The following DLC1 variants were observed in gnomAD, a reference collection of about 807,000 sequenced individuals.
DLC1 encodes rho GTPase-activating protein 7.
In DLC1, 54 loss-of-function variants were observed where a neutral mutation model predicts 140.3. The observed-to-expected ratio is 0.38, with a 90% CI of 0.31 to 0.48. The LOEUF (loss-of-function observed/expected upper bound fraction) is 0.48, where lower values mean the gene tolerates loss of function less well. Among genes scored for constraint, DLC1 ranks in the 20% least tolerant of loss-of-function variants. The pLI is 0.96. For missense variants in DLC1, 2,536 were observed against 1,907.0 expected (o/e 1.33, Z -6.14); for synonymous variants, 986 against 728.1 (o/e 1.35, Z -5.70).
At chr8:13,133,328 G>T in intron 5 of DLC1, 1 of 1,176,776 alleles carries the variant, frequency 8.5e-7, no homozygotes, top group East Asian at 5.9e-5. Flanking sequence ...CTCCCGCTGG[G>T]CCCACCCCCC....
intron 4 of DLC1, among the ~76,000 whole-genome samples, chr8:13,385,289 A>T (rs1836467668): frequency 6.6e-6 from 1 of 152,206 alleles, no homozygotes. Context: ...AACACAGATA[A>T]AGCAATCTAC....
At chr8:13,253,515 C>T (rs1468328910) in intron 5 of DLC1, among the ~76,000 whole-genome samples, 1 of 151,952 alleles carries the variant, frequency 6.6e-6, no homozygotes, top group African/African-American at 2.4e-5. Flanking sequence ...ACACAAAATT[C>T]AGATTAAAGG....
At position 13,269,669 on chromosome 8, in the gene DLC1, A is replaced by C. The variant is rs190475952; in HGVS notation, c.1348+35600T>G. On this transcript the variant is annotated intron_variant, in intron 5 of 17. Transcript: ENST00000276297. ...CATTGAGCTATGATGATACTACTGC[A>C]CTCCAACCTGGGAAACAAAGCAAAA... Among the ~76,000 whole-genome samples the C allele has an allele frequency of 1.4e-5, 2 of 141,318 alleles. 1 individual carries two copies. Among genetic ancestry groups the C allele is most frequent in the Non-Finnish European group, 3.0e-5 (2 of 66,504 alleles). 92.7% of individuals were successfully genotyped at this position (141,318 alleles called of 152,430 possible). A position where few individuals can be genotyped will look rare whatever the true frequency, so the allele number is the denominator to read the frequency against.
chr8:13,233,037 G>C (rs1373241022), intron 5 of DLC1, among the ~76,000 whole-genome samples: 1 of 152,142 alleles, frequency 6.6e-6, no homozygotes, highest in Non-Finnish European at 1.5e-5. Flanking sequence ...CCTCATGCCT[G>C]TAATCCCAGG....
intron 5 of DLC1, among the ~76,000 whole-genome samples, chr8:13,141,256 CA>C (rs34321250): frequency 3.0e-3 from 192 of 63,740 alleles, no homozygotes; most frequent in African/African-American, 0.015. Context: ...GAGTCTGTCT[CA>C]AAAAAAAAAA....
chr8:13,175,137 C>T (rs1034155569), intron 5 of DLC1, among the ~76,000 whole-genome samples: 1 of 152,058 alleles, frequency 6.6e-6, no homozygotes, highest in African/African-American at 2.4e-5. Flanking sequence ...CAATTGCTTG[C>T]TTTTGTCTAC....
In DLC1 at chr8:13,097,243, T is replaced by C. The variant is rs778405035; in HGVS notation, c.3167+1156A>G. Among the ~76,000 whole-genome samples, 47 of 104,746 alleles carry C rather than the reference T, an allele frequency of 4.5e-4. No individual in the cohort carries two copies. The East Asian group carries it at 0.016, about 35-fold the overall frequency. 68.7% of individuals were successfully genotyped at this position (104,746 alleles called of 152,430 possible). A position where few individuals can be genotyped will look rare whatever the true frequency, so the allele number is the denominator to read the frequency against. ...CAGGTGGATGCTACAAATATTCACATCCAAATTTATTATTATTATTATTAT... is the reference window on the plus strand; with the variant it reads ...CAGGTGGATGCTACAAATATTCACACCCAAATTTATTATTATTATTATTAT... On this transcript the variant is annotated intron_variant, in intron 10 of 17. Coordinates refer to ENST00000276297, the MANE Select transcript of DLC1 (RefSeq NM_182643.3).
intron 2 of DLC1, among the ~76,000 whole-genome samples, chr8:13,490,320 A>C (rs982794899): frequency 6.6e-6 from 1 of 152,220 alleles, no homozygotes; most frequent in African/African-American, 2.4e-5. Flanking sequence ...GAACTAAGAA[A>C]AAAGTTTATT....
At chr8:13,462,929 A>G (rs1799739752) in intron 2 of DLC1, among the ~76,000 whole-genome samples, 1 of 152,170 alleles carries the variant, frequency 6.6e-6, no homozygotes, top group East Asian at 1.9e-4. Context: ...GTTGCTTATG[A>G]TGATGCATAG....
At chr8:13,479,111 C>T (rs1442175970) in intron 2 of DLC1, among the ~76,000 whole-genome samples, 1 of 152,196 alleles carries the variant, frequency 6.6e-6, no homozygotes, top group Non-Finnish European at 1.5e-5. Flanking sequence ...ATGCTTCCCT[C>T]CTGTAGAAAG....
intron 2 of DLC1, among the ~76,000 whole-genome samples, chr8:13,494,432 A>G (rs1357366654): frequency 6.6e-6 from 1 of 152,180 alleles, no homozygotes; most frequent in Non-Finnish European, 1.5e-5. Context: ...CTGCCTGTAC[A>G]CAGGGTGCGA....
intron 5 of DLC1, among the ~76,000 whole-genome samples, chr8:13,197,173 G>A (rs1827114481): frequency 6.6e-6 from 1 of 152,072 alleles, no homozygotes; most frequent in Admixed American, 6.5e-5. Context: ...ACATGTCATT[G>A]AATGATCTTC....
chr8:13,567,135 C>G (rs918024192), intron 1 of DLC1: 2 of 1,551,732 alleles, frequency 1.3e-6, no homozygotes, highest in Admixed American at 2.0e-5. Context: ...AGTCCTCGCC[C>G]CTGACCTCTG....
At chr8:13,182,624 T>C (rs905030402) in intron 5 of DLC1, among the ~76,000 whole-genome samples, 1 of 152,158 alleles carries the variant, frequency 6.6e-6, no homozygotes, top group Non-Finnish European at 1.5e-5. Context: ...AAAGATCAGA[T>C]GGTTGTAGAT....
At chr8:13,551,231 A>C (rs1055632307) in intron 1 of DLC1, among the ~76,000 whole-genome samples, 8 of 152,126 alleles carry the variant, frequency 5.3e-5, no homozygotes, top group African/African-American at 1.9e-4. Flanking sequence ...TAGTCGGCCA[A>C]AACAAAGAAT....
intron 5 of DLC1, among the ~76,000 whole-genome samples, chr8:13,202,871 A>C (rs900807100): frequency 6.6e-6 from 1 of 152,004 alleles, no homozygotes; most frequent in African/African-American, 2.4e-5. Context: ...ACAGGGTCTC[A>C]CTATGTTGCC....
intron 1 of DLC1, among the ~76,000 whole-genome samples, chr8:13,522,277 G>A (rs1014796899): frequency 2.6e-5 from 4 of 152,192 alleles, no homozygotes; most frequent in African/African-American, 9.6e-5. Flanking sequence ...TACAAACAAT[G>A]GAACGACTTT....
intron 1 of DLC1, among the ~76,000 whole-genome samples, chr8:13,551,903 T>C (rs1174307564): frequency 1.4e-5 from 2 of 147,054 alleles, no homozygotes; most frequent in Non-Finnish European, 3.0e-5. Context: ...TATACATATA[T>C]ATATATATAT....
intron 5 of DLC1, among the ~76,000 whole-genome samples, chr8:13,195,821 T>C (rs1025747963): frequency 6.6e-6 from 1 of 152,156 alleles, no homozygotes; most frequent in African/African-American, 2.4e-5. Context: ...ATAGCAGCAC[T>C]ATCCTTCTCT....
Sources: allele counts gnomAD v4.1 joint callset (sites outside exome capture counted in the v4.1 genomes callset), GRCh38; gene constraint gnomAD v4.1.1; transcripts MANE v1.5; gene names NCBI Gene and HGNC (gene_info 2026-07-23, HGNC 2026-07-21).